Variants in VAC14 observed in about 807,000 individuals in gnomAD.
VAC14 encodes VAC14 component of PIKFYVE complex.
In VAC14, 47 loss-of-function variants were observed where a neutral mutation model predicts 85.3. That is an observed-to-expected ratio of 0.55 (90% CI 0.44 to 0.70). VAC14 has a LOEUF of 0.70. Among genes scored for constraint, VAC14 ranks in the 30% least tolerant of loss-of-function variants. The pLI is 0.00. For synonymous variants in VAC14, 447 were observed against 430.5 expected (o/e 1.04, Z -0.47); for missense variants, 861 against 1,004.3 (o/e 0.86, Z 1.93).
intron 13 of VAC14, among the ~76,000 whole-genome samples, chr16:70,736,701 C>T (rs931352506): frequency 1.3e-5 from 2 of 152,140 alleles, no homozygotes; most frequent in Admixed American, 6.5e-5. Flanking sequence ...GTCACAGCTG[C>T]GAGAAGCCGC....
chr16:70,738,647 G>A (rs189991967), intron 13 of VAC14, among the ~76,000 whole-genome samples: 2 of 152,320 alleles, frequency 1.3e-5, no homozygotes, highest in East Asian at 3.9e-4. Flanking sequence ...TGGCAGCACG[G>A]GTATGAGAGG....
intron 9 of VAC14, among the ~76,000 whole-genome samples, chr16:70,774,041 C>T (rs1169328474): frequency 2.6e-5 from 4 of 152,010 alleles, no homozygotes; most frequent in African/African-American, 9.7e-5. Context: ...TCCCAAAGTG[C>T]TGGGATTACA....
At chr16:70,689,003 C>T in intron 18 of VAC14, 4 of 985,176 alleles carry the variant, frequency 4.1e-6, no homozygotes, top group Non-Finnish European at 4.8e-6. Context: ...AGACTGTGGG[C>T]TGCTCAGCTA....
chr16:70,688,759 A>G (rs1597840622), intron 18 of VAC14: 1 of 985,524 alleles, frequency 1.0e-6, no homozygotes, highest in Non-Finnish European at 1.2e-6. Context: ...GCTCCCTATA[A>G]TGGTGCAATG....
At chr16:70,698,902 T>A in intron 14 of VAC14, 91 bp from the exon 15 acceptor site, 1 of 1,211,682 alleles carries the variant, frequency 8.3e-7, no homozygotes, top group Non-Finnish European at 1.1e-6. Flanking sequence ...TTTTGCAGCG[T>A]CCTGGGGAAA....
intron 1 of VAC14, among the ~76,000 whole-genome samples, chr16:70,800,473 T>C (rs1008392095): frequency 2.0e-5 from 3 of 152,130 alleles, no homozygotes; most frequent in African/African-American, 7.2e-5. Context: ...AACTCTCTGA[T>C]TTGCTGGTTT....
At chr16:70,710,041 CGAG>C (rs2053997106) in intron 14 of VAC14, among the ~76,000 whole-genome samples, 1 of 152,200 alleles carries the variant, frequency 6.6e-6, no homozygotes, top group Non-Finnish European at 1.5e-5. Context: ...GCCCTGCCCA[CGAG>C]GAGGCCGCCA....
chr16:70,736,060 C>A (rs1027122421), intron 13 of VAC14, among the ~76,000 whole-genome samples: 4 of 152,220 alleles, frequency 2.6e-5, no homozygotes, highest in Non-Finnish European at 4.4e-5. Context: ...TCATGCTGCC[C>A]ACACTGGAGG....
intron 18 of VAC14, chr16:70,689,429 G>T: frequency 3.2e-5 from 32 of 985,368 alleles, no homozygotes; most frequent in Non-Finnish European, 3.9e-5. Flanking sequence ...CATGAGTTCA[G>T]TCCAGCAGGA....
chr16:70,771,919 C>G, intron 10 of VAC14, 190 bp downstream of exon 10: 1 of 590,204 alleles, frequency 1.7e-6, no homozygotes, highest in South Asian at 2.1e-5. Flanking sequence ...TCCATCAAGC[C>G]TGGGTGGGGT....
At chr16:70,737,598 G>A (rs982113205) in intron 13 of VAC14, among the ~76,000 whole-genome samples, 1 of 152,158 alleles carries the variant, frequency 6.6e-6, no homozygotes, top group East Asian at 1.9e-4. Context: ...CGTGACCGGC[G>A]GCTGGCCAGG....
At chr16:70,772,344 C>G in intron 9 of VAC14, 172 bp from the exon 10 acceptor site, 1 of 588,340 alleles carries the variant, frequency 1.7e-6, no homozygotes. Context: ...CCCAGTCATT[C>G]TCGATAGTCC....
intron 1 of VAC14, among the ~76,000 whole-genome samples, chr16:70,792,923 C>A (rs2034400792): frequency 6.6e-6 from 1 of 152,202 alleles, no homozygotes; most frequent in Non-Finnish European, 1.5e-5. Context: ...TATTTCACTC[C>A]CATCTTCCAG....
At chr16:70,694,363 G>C (rs982336578) in intron 17 of VAC14, among the ~76,000 whole-genome samples, 1 of 152,194 alleles carries the variant, frequency 6.6e-6, no homozygotes, top group East Asian at 1.9e-4. Flanking sequence ...GGAGGCCCTC[G>C]GGGAAGTGTC....
chr16:70,755,899 G>C (rs2031805157), intron 12 of VAC14: 1 of 411,104 alleles, frequency 2.4e-6, no homozygotes, highest in Non-Finnish European at 4.9e-6. Flanking sequence ...GGGAACCTAG[G>C]GGCACTCTGC....
At chr16:70,794,761 G>A (rs1011711342) in intron 1 of VAC14, among the ~76,000 whole-genome samples, 3 of 152,166 alleles carry the variant, frequency 2.0e-5, no homozygotes, top group East Asian at 1.9e-4. Context: ...CTGTGACCCC[G>A]GAATTAAACA....
At chr16:70,789,140 C>T (rs1016770698) in intron 1 of VAC14, among the ~76,000 whole-genome samples, 8 of 152,176 alleles carry the variant, frequency 5.3e-5, no homozygotes, top group Non-Finnish European at 7.3e-5. Context: ...CAAGACTAAA[C>T]GCAGAATGCG....
Position 70,762,990 on chromosome 16 carries a change from C to T in VAC14, c.1196G>A (p.Gly399Glu). 2 of 1,614,186 alleles carry T rather than the reference C, an allele frequency of 1.2e-6. No individual in the cohort carries two copies. Among genetic ancestry groups the T allele is most frequent in the South Asian group, 2.2e-5 (2 of 91,082 alleles). The change falls in exon 11 of 19, where the codon GGG becomes GAG. Residue 399 changes from glycine (G) to glutamate (E), a missense_variant. Gly to Glu is a moderately conservative substitution (Grantham distance 98). This residue lies in a region of VAC14 where 629 missense variants were observed against 703.1 expected (regional missense o/e 0.89). Coordinates refer to ENST00000261776, the MANE Select transcript of VAC14 (RefSeq NM_018052.5). This position sits in a 1 kb window ranked among gnomAD's most constrained non-coding sequence, Gnocchi z 4.1. ...ERAPVTLHLD[G>E]IVQVLNCHLS... ...GTGGCAGTTTAGGACCTGCACGATC[C>T]CGTCGAGGTGAAGGGTCACTGGGGC...
At chr16:70,755,913 C>A in intron 12 of VAC14, 2 of 425,706 alleles carry the variant, frequency 4.7e-6, no homozygotes. Flanking sequence ...ACTCTGCTTC[C>A]TCCCACCATT....
Sources: gnomAD v4.1 joint callset for allele counts (sites outside exome capture counted in the v4.1 genomes callset) on GRCh38, gnomAD v4.1.1 for gene constraint, gnomAD v4.1.1 regional missense constraint, Gnocchi (gnomAD v3.1) non-coding constraint, MANE v1.5 for transcripts, NCBI Gene and HGNC (gene_info 2026-07-23, HGNC 2026-07-21) for gene names.